MYLK: variants seen among roughly 807,000 people sequenced by gnomAD.
MYLK encodes myosin light chain kinase, smooth muscle.
Under a neutral mutation model 203.4 loss-of-function variants are expected in MYLK, and 106 were observed. The observed-to-expected ratio is 0.52, with a 90% CI of 0.45 to 0.61. The LOEUF (loss-of-function observed/expected upper bound fraction) is 0.61. Among genes scored for constraint, MYLK ranks in the 20% least tolerant of loss-of-function variants. The pLI is 0.00. For missense variants in MYLK, 2,072 were observed against 2,442.3 expected (o/e 0.85, Z 3.20); for synonymous variants, 867 against 959.5 (o/e 0.90, Z 1.78).
At chr3:123,828,912 C>A (rs1416617694) in intron 3 of MYLK, among the ~76,000 whole-genome samples, 1 of 151,884 alleles carries the variant, frequency 6.6e-6, no homozygotes, top group Non-Finnish European at 1.5e-5. Context: ...TCATCTTATC[C>A]CAGTTAGAAT....
At chr3:123,843,821 G>A (rs558481413) in intron 2 of MYLK, among the ~76,000 whole-genome samples, 3 of 152,130 alleles carry the variant, frequency 2.0e-5, no homozygotes, top group African/African-American at 4.8e-5. Flanking sequence ...TTCTGACATG[G>A]TGTTTTCTGT....
At chr3:123,871,538 T>C (rs2032783818) in intron 2 of MYLK, among the ~76,000 whole-genome samples, 1 of 152,216 alleles carries the variant, frequency 6.6e-6, no homozygotes, top group South Asian at 2.1e-4. Context: ...GTTAATATTA[T>C]GAACATTTAT....
At chr3:123,856,126 C>T (rs978757388) in intron 2 of MYLK, among the ~76,000 whole-genome samples, 10 of 152,136 alleles carry the variant, frequency 6.6e-5, no homozygotes, top group Non-Finnish European at 1.5e-5. Flanking sequence ...TACTCAGTTA[C>T]TGGAAATATA....
At chr3:123,715,560 A>G (rs1300431165) in intron 13 of MYLK, among the ~76,000 whole-genome samples, 2 of 152,252 alleles carry the variant, frequency 1.3e-5, no homozygotes, top group Admixed American at 6.5e-5. Flanking sequence ...TTTTATTTAG[A>G]GGAAGAGTTA....
At chr3:123,760,017 A>G (rs1194934932) in intron 4 of MYLK, among the ~76,000 whole-genome samples, 1 of 152,242 alleles carries the variant, frequency 6.6e-6, no homozygotes, top group Non-Finnish European at 1.5e-5. Context: ...TCAGGAAGGT[A>G]TATGGCCTTT....
intron 11 of MYLK, among the ~76,000 whole-genome samples, chr3:123,732,152 C>T (rs2062503814): frequency 6.6e-6 from 1 of 152,034 alleles, no homozygotes; most frequent in Non-Finnish European, 1.5e-5. Context: ...CTTACATATG[C>T]ATTTAGAGTA....
intron 27 of MYLK, among the ~76,000 whole-genome samples, chr3:123,641,529 C>A (rs2058832117): frequency 6.6e-6 from 1 of 151,240 alleles, no homozygotes; most frequent in African/African-American, 2.4e-5. Flanking sequence ...CAGAGCAAGA[C>A]CCTGTCTCAA....
At chr3:123,651,909 T>C (rs2059225583) in intron 24 of MYLK, among the ~76,000 whole-genome samples, 1 of 152,202 alleles carries the variant, frequency 6.6e-6, no homozygotes, top group Admixed American at 6.5e-5. Context: ...AGCCCCTCTT[T>C]CTAGTGCACT....
At chr3:123,743,262 T>C (rs1295752408) in intron 5 of MYLK, among the ~76,000 whole-genome samples, 1 of 152,280 alleles carries the variant, frequency 6.6e-6, no homozygotes, top group East Asian at 1.9e-4. Flanking sequence ...CATGGCACTT[T>C]CCCAAAGAAT....
intron 14 of MYLK, 70 bp downstream of exon 14, chr3:123,709,686 G>A (rs1026901271): frequency 1.4e-4 from 229 of 1,598,594 alleles, no homozygotes; most frequent in South Asian, 9.4e-4. Flanking sequence ...GCGGGTCCTC[G>A]GAGAGCAATA....
chr3:123,839,295 T>C (rs1460679644), intron 2 of MYLK, among the ~76,000 whole-genome samples: 1 of 152,152 alleles, frequency 6.6e-6, no homozygotes, highest in Non-Finnish European at 1.5e-5. Context: ...GACCCAGTTA[T>C]ATGCTATCCA....
intron 27 of MYLK, among the ~76,000 whole-genome samples, chr3:123,646,764 A>C (rs2059036123): frequency 1.3e-5 from 2 of 152,228 alleles, no homozygotes; most frequent in South Asian, 4.1e-4. Context: ...GATGGGACTG[A>C]GGACCAGAGA....
chr3:123,703,757 C>G (rs1160203396), intron 16 of MYLK, among the ~76,000 whole-genome samples: 2 of 152,238 alleles, frequency 1.3e-5, no homozygotes, highest in African/African-American at 4.8e-5. Context: ...TTAAGCACAG[C>G]CTTGTGGTGC....
chr3:123,693,914 G>C lies in MYLK; in HGVS notation c.3449-1063C>G, dbSNP rs114948012. 3.9e-3 allele frequency among the ~76,000 whole-genome samples: 597 copies of C among 152,308 alleles called. 2 individuals carry two copies. Among genetic ancestry groups the C allele is most frequent in the African/African-American group, 0.014 (563 of 41,572 alleles). On this transcript the variant is annotated intron_variant, in intron 18 of 33. Coordinates refer to ENST00000360304, the MANE Select transcript of MYLK (RefSeq NM_053025.4). ...CCGTCACACAGGAGGACAGAGCCAG[G>C]GCCACATGCACTTTGCTGCCTGGAG...
intron 2 of MYLK, among the ~76,000 whole-genome samples, chr3:123,850,552 G>T (rs1364268434): frequency 1.3e-5 from 2 of 152,128 alleles, no homozygotes; most frequent in Non-Finnish European, 2.9e-5. Flanking sequence ...CTTTTGAGAA[G>T]TGTCTGTTCA....
intron 3 of MYLK, among the ~76,000 whole-genome samples, chr3:123,797,245 G>A (rs1400836724): frequency 6.6e-6 from 1 of 152,138 alleles, no homozygotes. Flanking sequence ...AGCATCTATA[G>A]CATTTATAGC....
In MYLK at chr3:123,613,111, A is replaced by G. The variant is rs544611915; in HGVS notation, c.*994T>C. ...TGGAGAGTGTTGAGAATGAAGATGT[A>G]TTAAACTCTGGCTATCTTGGAGGAG... On this transcript the variant is annotated 3_prime_UTR_variant, in exon 34 of 34. Transcript: ENST00000360304. The G allele has an allele frequency of 6.6e-6, 1 of 152,308 alleles. No homozygotes were observed. The highest frequency in any genetic ancestry group is 1.5e-5 in the Non-Finnish European group (1 of 68,044). 9.4% of individuals were successfully genotyped at this position (152,308 alleles called of 1,614,324 possible). A position where few individuals can be genotyped will look rare whatever the true frequency, so the allele number is the denominator to read the frequency against.
At chr3:123,716,858 G>A (rs2108703703) in intron 13 of MYLK, among the ~76,000 whole-genome samples, 1 of 152,248 alleles carries the variant, frequency 6.6e-6, no homozygotes, top group East Asian at 1.9e-4. Flanking sequence ...TATGGCATGG[G>A]CACAAACGTA....
chr3:123,655,856 C>G (rs764433924), intron 24 of MYLK, among the ~76,000 whole-genome samples: 1 of 152,178 alleles, frequency 6.6e-6, no homozygotes, highest in Non-Finnish European at 1.5e-5. Context: ...ATTAACACAT[C>G]GTAAGCTTAG....
Sources: gnomAD v4.1 joint callset for allele counts (sites outside exome capture counted in the v4.1 genomes callset) on GRCh38, gnomAD v4.1.1 for gene constraint, MANE v1.5 for transcripts, NCBI Gene and HGNC (gene_info 2026-07-23, HGNC 2026-07-21) for gene names.